Variants in UBE2H observed in about 807,000 individuals in gnomAD.
UBE2H encodes the protein ubiquitin-conjugating enzyme E2 H.
Under a neutral mutation model 29.0 loss-of-function variants are expected in UBE2H, and 3 were observed. The ratio of observed to expected loss-of-function variants is 0.10; its 90% confidence interval spans 0.05 to 0.27. The LOEUF is 0.27. UBE2H is among the 10% of genes least tolerant of loss of function. The probability of loss-of-function intolerance (pLI) is 1.00; values close to 1 mark genes in which losing one functional copy is unlikely to be tolerated. For missense variants in UBE2H, 68 were observed against 228.2 expected, an observed-to-expected ratio of 0.30 and a Z score of 4.52; for synonymous variants, 69 against 82.9, an observed-to-expected ratio of 0.83 and a Z score of 0.91.
chr7:129,901,452 G>A (rs1351695598), intron 1 of UBE2H, among the ~76,000 whole-genome samples: 3 of 152,158 alleles, frequency 2.0e-5, no homozygotes, highest in Admixed American at 6.5e-5. Context: ...AGAGGTCGGT[G>A]GGGGCTAATG....
At chr7:129,835,103 C>T in intron 6 of UBE2H, 42 bp from the exon 7 acceptor site, 1 of 1,611,468 alleles carries the variant, frequency 6.2e-7, no homozygotes, top group Non-Finnish European at 8.5e-7. Flanking sequence ...AGTGAGTGGG[C>T]AGGCATGTGC....
chr7:129,944,748 A>ACACACCACACACG (rs34490269), intron 1 of UBE2H, among the ~76,000 whole-genome samples: 1 of 140,040 alleles, frequency 7.1e-6, no homozygotes. Flanking sequence ...ACACACACAC[A>ACACACCACACACG]CACGCACGCA....
chr7:129,913,280 C>A (rs973500585), intron 1 of UBE2H, among the ~76,000 whole-genome samples: 3 of 149,856 alleles, frequency 2.0e-5, no homozygotes, highest in African/African-American at 7.3e-5. Flanking sequence ...AAGAGTACAG[C>A]ACAGAATTTG....
At chr7:129,900,613 G>A (rs892721807) in intron 1 of UBE2H, among the ~76,000 whole-genome samples, 6 of 151,982 alleles carry the variant, frequency 3.9e-5, no homozygotes, top group Non-Finnish European at 8.8e-5. Flanking sequence ...ATTATATTAT[G>A]ACCATGTAAA....
At position 129,907,108 on chromosome 7, in the gene UBE2H, T is replaced by C. The variant is rs2708651; in HGVS notation, c.54-26137A>G. Reference sequence around the variant, plus strand: ...AGAGCTGCTTAAAGGTTTATCATCATCAAAAGCCATTTATTAGGGGGTGTT... The same window carrying C: ...AGAGCTGCTTAAAGGTTTATCATCACCAAAAGCCATTTATTAGGGGGTGTT... On this transcript the variant is annotated intron_variant, in intron 1 of 6. Coordinates refer to ENST00000355621, the MANE Select transcript of UBE2H (RefSeq NM_003344.4). Among the ~76,000 whole-genome samples, 715 of 149,056 alleles carry C rather than the reference T, an allele frequency of 4.8e-3. 33 individuals carry two copies. The East Asian group carries it at 0.11, about 22-fold the overall frequency.
In UBE2H at chr7:129,864,621, G is replaced by A. The variant is rs76026902; in HGVS notation, c.206-5680C>T. On this transcript the variant is annotated intron_variant, in intron 3 of 6. Transcript: ENST00000355621. The stretch of plus-strand genomic sequence containing the variant: ...CAGGCTGGAGTGCAGTGGCGATCTC[G>A]GCTCACTGCAGCCTCCACCTCACGG... Among the ~76,000 whole-genome samples, 1,160 of 134,848 alleles carry A rather than the reference G, an allele frequency of 8.6e-3. 15 individuals carry two copies. The highest frequency in any genetic ancestry group is 0.03 in the African/African-American group (1,096 of 36,432). The allele number at this position is 134,848 out of a possible 152,430, so 88.5% of individuals were successfully genotyped here. A position where few individuals can be genotyped will look rare whatever the true frequency, so the allele number is the denominator to read the frequency against.
intron 1 of UBE2H, among the ~76,000 whole-genome samples, chr7:129,900,063 G>T (rs1806678201): frequency 1.3e-5 from 2 of 151,702 alleles, no homozygotes; most frequent in South Asian, 4.2e-4. Flanking sequence ...ATGGGAAGTG[G>T]AGACTGCAGT....
At chr7:129,875,980 T>C (rs1435105222) in intron 3 of UBE2H, among the ~76,000 whole-genome samples, 1 of 152,182 alleles carries the variant, frequency 6.6e-6, no homozygotes, top group South Asian at 2.1e-4. Flanking sequence ...GTGAAGACAA[T>C]CTCTCTTGTA....
intron 1 of UBE2H, among the ~76,000 whole-genome samples, chr7:129,923,869 T>C (rs1242987195): frequency 1.3e-5 from 2 of 152,124 alleles, no homozygotes; most frequent in African/African-American, 4.8e-5. Flanking sequence ...ATAGATACTC[T>C]CACTCCACAG....
intron 5 of UBE2H, among the ~76,000 whole-genome samples, chr7:129,839,967 T>C (rs1359486556): frequency 6.6e-6 from 1 of 152,090 alleles, no homozygotes; most frequent in African/African-American, 2.4e-5. Context: ...GCCTTGGCCT[T>C]CCAAAGTGCT....
chr7:129,832,108 C>G lies in UBE2H; in HGVS notation c.*2829G>C, dbSNP rs998235557. On this transcript the variant is annotated 3_prime_UTR_variant, in exon 7 of 7. Transcript: ENST00000355621. ...GTGAAACACCGCTGCTCCAGACTTA[C>G]GCTACCATCTATTGTTGGGGGCCCA... The G allele has an allele frequency of 6.6e-6, 1 of 152,274 alleles. No homozygotes were observed. Among genetic ancestry groups the G allele is most frequent in the African/African-American group, 2.4e-5 (1 of 41,448 alleles). 9.4% of individuals were successfully genotyped at this position (152,274 alleles called of 1,614,324 possible). A position where few individuals can be genotyped will look rare whatever the true frequency, so the allele number is the denominator to read the frequency against.
intron 5 of UBE2H, among the ~76,000 whole-genome samples, chr7:129,849,081 CAAGAA>C (rs1170280584): frequency 8.6e-5 from 13 of 151,968 alleles, no homozygotes; most frequent in Admixed American, 3.3e-4. Flanking sequence ...TGAAATTCTA[CAAGAA>C]AAGAAGAGTA....
chr7:129,952,431 G>A, intron 1 of UBE2H, 72 bp downstream of exon 1: 11 of 1,575,198 alleles, frequency 7.0e-6, no homozygotes, highest in Non-Finnish European at 9.5e-6. Context: ...CCTTGCAGTG[G>A]TTCCGGGGGT....
chr7:129,881,981 A>G (rs1002904614), intron 1 of UBE2H, among the ~76,000 whole-genome samples: 5 of 152,206 alleles, frequency 3.3e-5, no homozygotes, highest in Admixed American at 3.3e-4. Context: ...GATCTTATCC[A>G]TAGCATCTGT....
chr7:129,872,413 T>A (rs1296977186), intron 3 of UBE2H, among the ~76,000 whole-genome samples: 1 of 152,076 alleles, frequency 6.6e-6, no homozygotes, highest in African/African-American at 2.4e-5. Context: ...ATTATAAACC[T>A]CCACTCCAAA....
At chr7:129,851,828 G>C (rs1008618433) in intron 5 of UBE2H, among the ~76,000 whole-genome samples, 1 of 152,162 alleles carries the variant, frequency 6.6e-6, no homozygotes, top group African/African-American at 2.4e-5. Context: ...TTAGACTCCT[G>C]AGCCACATAC....
chr7:129,933,220 C>G (rs866071845), intron 1 of UBE2H, among the ~76,000 whole-genome samples: 108 of 152,028 alleles, frequency 7.1e-4, no homozygotes, highest in Admixed American at 3.4e-3. Context: ...TCTTTTGTCA[C>G]AGAATACAGG....
chr7:129,876,958 T>C (rs76714995), intron 3 of UBE2H, among the ~76,000 whole-genome samples: 9,527 of 152,258 alleles, frequency 0.063, 368 homozygotes, highest in Non-Finnish European at 0.092. Flanking sequence ...TCACATTATA[T>C]TGAATATATA....
chr7:129,950,458 C>T (rs1807851816), intron 1 of UBE2H, among the ~76,000 whole-genome samples: 1 of 152,070 alleles, frequency 6.6e-6, no homozygotes, highest in African/African-American at 2.4e-5. Context: ...CCCCCCACAC[C>T]CCGACTCCTA....
Sources: allele counts gnomAD v4.1 joint callset (sites outside exome capture counted in the v4.1 genomes callset), GRCh38; gene constraint gnomAD v4.1.1; transcripts MANE v1.5; gene names NCBI Gene and HGNC (gene_info 2026-07-23, HGNC 2026-07-21).